PIGK: variants seen among roughly 807,000 people sequenced by gnomAD.
The protein encoded by PIGK is GPI-anchor transamidase.
A neutral mutation model predicts 50.6 loss-of-function variants in PIGK; 42 were observed. The ratio of observed to expected loss-of-function variants is 0.83; its 90% confidence interval spans 0.65 to 1.07. The LOEUF (loss-of-function observed/expected upper bound fraction) is 1.07, where lower values mean the gene tolerates loss of function less well. PIGK is among the 50% of genes least tolerant of loss of function. PIGK has a pLI of 0.00. For missense variants in PIGK, 448 were observed against 488.7 expected, an observed-to-expected ratio of 0.92 and a Z score of 0.78; for synonymous variants, 151 against 156.0, an observed-to-expected ratio of 0.97 and a Z score of 0.24.
At chr1:77,146,415 G>A (rs1654769280) in intron 9 of PIGK, among the ~76,000 whole-genome samples, 1 of 152,076 alleles carries the variant, frequency 6.6e-6, no homozygotes, top group South Asian at 2.1e-4. Context: ...TAATCCCAGT[G>A]CTTTGGGAGA....
chr1:77,148,740 G>A (rs145942777), intron 9 of PIGK, among the ~76,000 whole-genome samples: 1 of 150,258 alleles, frequency 6.7e-6, no homozygotes, highest in Admixed American at 6.7e-5. Context: ...TTTTGAGACA[G>A]AGTCTTGCTC....
At chr1:77,118,060 C>G (rs1375911013) in intron 10 of PIGK, among the ~76,000 whole-genome samples, 1 of 152,090 alleles carries the variant, frequency 6.6e-6, no homozygotes, top group Non-Finnish European at 1.5e-5. Context: ...TAATGAACAT[C>G]AACATGTTTT....
intron 1 of PIGK, among the ~76,000 whole-genome samples, chr1:77,211,013 T>C (rs1656406470): frequency 6.6e-6 from 1 of 152,014 alleles, no homozygotes; most frequent in South Asian, 2.1e-4. Flanking sequence ...AATCTGCTTG[T>C]TCAACATTTA....
chr1:77,140,186 G>A (rs184430211), intron 9 of PIGK, among the ~76,000 whole-genome samples: 1 of 152,174 alleles, frequency 6.6e-6, no homozygotes, highest in Non-Finnish European at 1.5e-5. Context: ...CATAGTGAGT[G>A]AGTTCCCGCA....
intron 1 of PIGK, among the ~76,000 whole-genome samples, chr1:77,215,757 A>G (rs527296799): frequency 1.3e-5 from 2 of 152,332 alleles, no homozygotes; most frequent in South Asian, 4.1e-4. Context: ...TTATTCATCC[A>G]TAAAAAGAAT....
chr1:77,175,442 C>A (rs80270364), intron 3 of PIGK, among the ~76,000 whole-genome samples: 20,083 of 152,080 alleles, frequency 0.13, 1,545 homozygotes, highest in East Asian at 0.36. Flanking sequence ...TGAAAGGATT[C>A]ATGAAAGGAA....
At chr1:77,173,692 T>A (rs1004073457) in intron 3 of PIGK, among the ~76,000 whole-genome samples, 4 of 152,260 alleles carry the variant, frequency 2.6e-5, no homozygotes, top group African/African-American at 9.6e-5. Context: ...TTTGGTGTCC[T>A]TGTCTTTCTG....
Position 77,111,353 on chromosome 1 carries a change from A to C in PIGK, c.1071+10922T>G, listed in dbSNP as rs544664601. On this transcript the variant is annotated intron_variant, in intron 10 of 10. Transcript: ENST00000370812. ...TTCACAATAGCAAAGACTTGGAACC[A>C]ACCCAAATGTCCATCAATGACAGAC... 2.5e-4 allele frequency among the ~76,000 whole-genome samples: 38 copies of C among 152,290 alleles called. No individual in the cohort carries two copies. The East Asian group carries it at 6.9e-3, about 28-fold the overall frequency.
At chr1:77,190,499 C>A (rs1348205796) in intron 3 of PIGK, among the ~76,000 whole-genome samples, 1 of 152,150 alleles carries the variant, frequency 6.6e-6, no homozygotes, top group African/African-American at 2.4e-5. Context: ...ATGACCTCAT[C>A]ATTGCTGTTT....
intron 10 of PIGK, among the ~76,000 whole-genome samples, chr1:77,106,369 C>A (rs186463197): frequency 6.6e-6 from 1 of 152,282 alleles, no homozygotes; most frequent in Non-Finnish European, 1.5e-5. Flanking sequence ...TGAAATCACT[C>A]TTGGGAGAAA....
chr1:77,211,119 T>C (rs947537482), intron 1 of PIGK, among the ~76,000 whole-genome samples: 1 of 152,006 alleles, frequency 6.6e-6, no homozygotes, highest in African/African-American at 2.4e-5. Context: ...ACATTATATA[T>C]ATAATTAACT....
At chr1:77,157,127 T>A (rs1201764482) in intron 8 of PIGK, among the ~76,000 whole-genome samples, 3 of 152,206 alleles carry the variant, frequency 2.0e-5, no homozygotes, top group African/African-American at 7.2e-5. Context: ...CAAATTTTGC[T>A]ACTCCTAAAG....
intron 10 of PIGK, among the ~76,000 whole-genome samples, chr1:77,102,228 G>GGCATCCACTGAAGAC: frequency 6.6e-6 from 1 of 152,290 alleles, no homozygotes; most frequent in Admixed American, 6.5e-5. Flanking sequence ...CCACTGAAGA[G>GGCATCCACTGAAGAC]GCATCCAGGC....
intron 1 of PIGK, among the ~76,000 whole-genome samples, chr1:77,211,677 C>T (rs1210875943): frequency 6.6e-6 from 1 of 151,988 alleles, no homozygotes; most frequent in African/African-American, 2.4e-5. Context: ...TAATAGTCAT[C>T]TCAGTTGATT....
chr1:77,120,817 T>C (rs944247640), intron 10 of PIGK, among the ~76,000 whole-genome samples: 11 of 152,338 alleles, frequency 7.2e-5, no homozygotes, highest in Non-Finnish European at 7.4e-5. Context: ...TACTGAATTT[T>C]AATATAATGT....
Position 77,161,689 on chromosome 1 carries a change from T to C in PIGK, c.607A>G (p.Ile203Val), listed in dbSNP as rs1422529261. 6.6e-7 allele frequency: 1 copy of C among 1,517,700 alleles called. No individual in the cohort carries two copies. The highest frequency in any genetic ancestry group is 2.3e-5 in the East Asian group (1 of 44,408). 94.0% of individuals were successfully genotyped at this position (1,517,700 alleles called of 1,614,324 possible). ...KRRYNELLFI[I>V]DTCQGASMYE... ...ATGGATGCTCCTTGGCAAGTATCAA[T>C]AATAAACAGTAGCTCATTGTAGCTG... The change falls in exon 7 of 11, where the codon ATT becomes GTT. Residue 203 changes from isoleucine to valine, a missense_variant. Coordinates refer to ENST00000370812, the MANE Select transcript of PIGK (RefSeq NM_005482.3).
At chr1:77,136,220 C>T (rs1041117993) in intron 9 of PIGK, among the ~76,000 whole-genome samples, 4 of 152,004 alleles carry the variant, frequency 2.6e-5, no homozygotes, top group Non-Finnish European at 5.9e-5. Context: ...TTTTGGTTTC[C>T]GCTGTTGCTA....
At chr1:77,127,545 A>G (rs1654260117) in intron 9 of PIGK, among the ~76,000 whole-genome samples, 1 of 152,212 alleles carries the variant, frequency 6.6e-6, no homozygotes, top group South Asian at 2.1e-4. Flanking sequence ...ATAAATAAAC[A>G]TAAAATTACA....
At chr1:77,205,860 A>G (rs1656274551) in intron 3 of PIGK, among the ~76,000 whole-genome samples, 1 of 152,098 alleles carries the variant, frequency 6.6e-6, no homozygotes, top group African/African-American at 2.4e-5. Context: ...ACCTAAACTC[A>G]CTCCCTACAA....
Sources: gnomAD v4.1 joint callset for allele counts (sites outside exome capture counted in the v4.1 genomes callset) on GRCh38, gnomAD v4.1.1 for gene constraint, MANE v1.5 for transcripts, NCBI Gene and HGNC (gene_info 2026-07-23, HGNC 2026-07-21) for gene names.